Variants in RGSL1 observed in about 807,000 individuals in gnomAD.
RGSL1 encodes regulator of G protein signaling like 1, also known as regulator of G protein signaling protein-like.
Under a neutral mutation model 124.7 loss-of-function variants are expected in RGSL1, and 97 were observed. That is an observed-to-expected ratio of 0.78 (90% CI 0.66 to 0.92). RGSL1 has a LOEUF of 0.92. RGSL1 is among the 40% of genes least tolerant of loss of function. The probability of loss-of-function intolerance (pLI) is 0.00; values close to 1 mark genes in which losing one functional copy is unlikely to be tolerated. For synonymous variants in RGSL1, 424 were observed against 438.1 expected (o/e 0.97, Z 0.40); for missense variants, 1,233 against 1,288.4 (o/e 0.96, Z 0.66).
Position 182,548,770 on chromosome 1 carries a change from T to TAC in RGSL1, c.2879_2880insAC (p.Phe961ProfsTer61). 6.4e-7 allele frequency: 1 copy of TAC among 1,551,628 alleles called. No homozygotes were observed. The highest frequency in any genetic ancestry group is 2.0e-5 in the Admixed American group (1 of 50,996). The stretch of plus-strand genomic sequence containing the variant: ...ACAGAGGGCTACCTAGATCGGAGCG[T>TAC]CTTCCATGGGGCTATCATGTCTGTC... On this transcript the variant is annotated frameshift_variant, in exon 17 of 22. Transcript: ENST00000294854. LOFTEE classifies it high-confidence loss of function.
chr1:182,536,364 A>C (rs1659540347), intron 14 of RGSL1, among the ~76,000 whole-genome samples: 1 of 152,186 alleles, frequency 6.6e-6, no homozygotes, highest in African/African-American at 2.4e-5. Context: ...CTTTATAAGG[A>C]ATTGCCAAGC....
intron 2 of RGSL1, among the ~76,000 whole-genome samples, chr1:182,454,586 ATGTGTGTGTGTGTGTGTGTG>A (rs68163917): frequency 6.9e-6 from 1 of 144,508 alleles, no homozygotes; most frequent in African/African-American, 2.6e-5. Flanking sequence ...CTTGAGTTGT[ATGTGTGTGTGTGTGTGTGTG>A]TGTGTGTGTG....
At chr1:182,474,641 A>G in intron 6 of RGSL1, 99 bp downstream of exon 6, 1 of 1,409,182 alleles carries the variant, frequency 7.1e-7, no homozygotes, top group Non-Finnish European at 9.3e-7. Flanking sequence ...GTGACTATAT[A>G]ATTACCCACA....
At chr1:182,559,037 T>C (rs1484406264) in intron 21 of RGSL1, among the ~76,000 whole-genome samples, 1 of 152,212 alleles carries the variant, frequency 6.6e-6, no homozygotes, top group Non-Finnish European at 1.5e-5. Context: ...TCCTAGAGAC[T>C]TGGGAACACC....
At chr1:182,556,419 C>T (rs576828343) in intron 21 of RGSL1, among the ~76,000 whole-genome samples, 197 bp downstream of exon 21, 17 of 152,312 alleles carry the variant, frequency 1.1e-4, no homozygotes, top group African/African-American at 3.8e-4. Context: ...TAATTATCAG[C>T]AAGGACAGAT....
chr1:182,470,123 C>G (rs1653707102), intron 4 of RGSL1, among the ~76,000 whole-genome samples: 1 of 152,044 alleles, frequency 6.6e-6, no homozygotes, highest in South Asian at 2.1e-4. Context: ...CATTTAACAC[C>G]ACTAAACCGT....
intron 14 of RGSL1, among the ~76,000 whole-genome samples, chr1:182,535,555 G>T (rs1659480639): frequency 6.6e-6 from 1 of 152,056 alleles, no homozygotes; most frequent in Admixed American, 6.6e-5. Context: ...ATCCATTTTT[G>T]CTTATTCTCC....
rs1334922167 is a variant in RGSL1, at chr1:182,474,343, G to A, written c.1232G>A (p.Ser411Asn). 3 of 1,551,708 alleles carry A rather than the reference G, an allele frequency of 1.9e-6. No homozygotes were observed. The highest frequency in any genetic ancestry group is 1.2e-5 in the South Asian group (1 of 84,064). The change falls in exon 6 of 22, where the codon AGT (serine) becomes AAT (asparagine). Residue 411 changes from serine to asparagine, a missense_variant. By Grantham distance (46) the Ser-to-Asn change is conservative. Coordinates refer to ENST00000294854, the MANE Select transcript of RGSL1 (RefSeq NM_001137669.2). ...DLWQDLQHFLSVLLNNKKNGN... is the reference protein window; with the variant it reads ...DLWQDLQHFLNVLLNNKKNGN... Reference sequence around the variant, plus strand: ...TGGCAGGACTTGCAGCATTTCCTCAGTGTCCTTCTGAATAACAAAAAGAAT... The same window carrying A: ...TGGCAGGACTTGCAGCATTTCCTCAATGTCCTTCTGAATAACAAAAAGAAT...
chr1:182,472,676 A>C, intron 5 of RGSL1, 119 bp downstream of exon 5: 1 of 1,116,358 alleles, frequency 9.0e-7, no homozygotes, highest in Non-Finnish European at 1.2e-6. Context: ...TCTATGTATC[A>C]GAGAGGCTAG....
At chr1:182,485,524 G>A (rs1337042920) in intron 6 of RGSL1, among the ~76,000 whole-genome samples, 3 of 152,082 alleles carry the variant, frequency 2.0e-5, no homozygotes, top group South Asian at 2.1e-4. Flanking sequence ...TATATGCAGC[G>A]CCTGGTAGTG....
chr1:182,522,003 G>A lies in RGSL1; in HGVS notation c.1826-1G>A, dbSNP rs1441496579. The A allele has an allele frequency of 1.2e-5, 18 of 1,515,666 alleles. No individual in the cohort carries two copies. Among genetic ancestry groups the A allele is most frequent in the Admixed American group, 2.3e-5 (1 of 44,242 alleles). 93.9% of individuals were successfully genotyped at this position (1,515,666 alleles called of 1,614,324 possible). On this transcript the variant is annotated splice_acceptor_variant, in intron 9 of 21. Coordinates refer to ENST00000294854, the MANE Select transcript of RGSL1 (RefSeq NM_001137669.2). LOFTEE classifies it high-confidence loss of function. ...CTCCAACTTAGTGATTTTTTTTTTA[G>A]ATTTTAAAATGGAAATTATCAAGGA...
chr1:182,471,628 G>T (rs879133187), intron 4 of RGSL1, among the ~76,000 whole-genome samples: 1 of 152,112 alleles, frequency 6.6e-6, no homozygotes, highest in South Asian at 2.1e-4. Context: ...CTGCTATGTG[G>T]CAGCCACTGG....
At chr1:182,467,305 G>A (rs1327039137) in intron 4 of RGSL1, among the ~76,000 whole-genome samples, 10 of 152,164 alleles carry the variant, frequency 6.6e-5, no homozygotes, top group East Asian at 3.9e-4. Context: ...AGCCCTCATC[G>A]CCAAGTCAAT....
intron 11 of RGSL1, among the ~76,000 whole-genome samples, 197 bp from the exon 12 acceptor site, chr1:182,530,047 T>A (rs1297015045): frequency 3.3e-5 from 5 of 152,142 alleles, no homozygotes; most frequent in Admixed American, 6.6e-5. Flanking sequence ...AAGTATTTAG[T>A]TTACAAATGC....
intron 17 of RGSL1, chr1:182,550,757 T>G: frequency 9.1e-6 from 2 of 218,728 alleles, no homozygotes; most frequent in Non-Finnish European, 9.0e-6. Flanking sequence ...TGGGGTTAGA[T>G]AGGGATGTCA....
intron 9 of RGSL1, among the ~76,000 whole-genome samples, chr1:182,515,757 G>A (rs1657841780): frequency 6.6e-6 from 1 of 152,116 alleles, no homozygotes; most frequent in African/African-American, 2.4e-5. Context: ...TTTCCCACCC[G>A]CACCGTGGCC....
chr1:182,537,973 T>C (rs1659653827), intron 14 of RGSL1, among the ~76,000 whole-genome samples: 1 of 152,130 alleles, frequency 6.6e-6, no homozygotes, highest in Non-Finnish European at 1.5e-5. Context: ...ATCTCCTTAA[T>C]TCAGAGAGTC....
intron 9 of RGSL1, among the ~76,000 whole-genome samples, chr1:182,508,248 G>A (rs1465318775): frequency 7.3e-6 from 1 of 137,090 alleles, no homozygotes; most frequent in East Asian, 2.2e-4. Flanking sequence ...ATATCGCATT[G>A]TAATTTTGTT....
chr1:182,530,423 A>G, intron 12 of RGSL1, 62 bp downstream of exon 12: 2 of 1,278,688 alleles, frequency 1.6e-6, no homozygotes, highest in East Asian at 2.5e-5. Context: ...TCTGAAAGCC[A>G]TATGCATCAA....
Sources: allele counts gnomAD v4.1 joint callset (sites outside exome capture counted in the v4.1 genomes callset), GRCh38; gene constraint gnomAD v4.1.1; transcripts MANE v1.5; gene names NCBI Gene and HGNC (gene_info 2026-07-23, HGNC 2026-07-21).